Variants in MACROD2 observed in about 807,000 individuals in gnomAD.
MACROD2 encodes the protein mono-ADP ribosylhydrolase 2, also known as ADP-ribose glycohydrolase MACROD2.
A neutral mutation model predicts 70.4 loss-of-function variants in MACROD2; 36 were observed. The observed-to-expected ratio is 0.51, with a 90% CI of 0.39 to 0.68. MACROD2 has a LOEUF of 0.68. MACROD2 is among the 30% of genes least tolerant of loss of function. The probability of loss-of-function intolerance (pLI) is 0.00; values close to 1 mark genes in which losing one functional copy is unlikely to be tolerated. For synonymous variants in MACROD2, 172 were observed against 178.8 expected (o/e 0.96, Z 0.30); for missense variants, 496 against 538.4 (o/e 0.92, Z 0.78).
At chr20:14,145,515 G>A (rs1056437626) in intron 3 of MACROD2, among the ~76,000 whole-genome samples, 1 of 151,992 alleles carries the variant, frequency 6.6e-6, no homozygotes, top group Non-Finnish European at 1.5e-5. Flanking sequence ...AAATCACTAG[G>A]TAGAAGATAT....
At chr20:14,051,885 T>C (rs1477712680) in intron 2 of MACROD2, 1 of 516,004 alleles carries the variant, frequency 1.9e-6, no homozygotes, top group South Asian at 1.4e-5. Flanking sequence ...ATATGCCACA[T>C]CTACTATAAA....
At chr20:15,264,646 C>T (rs899294049) in intron 6 of MACROD2, among the ~76,000 whole-genome samples, 3 of 152,138 alleles carry the variant, frequency 2.0e-5, no homozygotes, top group Non-Finnish European at 1.5e-5. Flanking sequence ...GATAGTCTCG[C>T]AGGTTGCAGC....
chr20:15,256,324 A>G (rs952861859), intron 6 of MACROD2, among the ~76,000 whole-genome samples: 10 of 152,228 alleles, frequency 6.6e-5, no homozygotes, highest in South Asian at 2.1e-4. Flanking sequence ...TGGGGATTCT[A>G]TTAACACTTT....
chr20:14,247,125 T>C (rs773532573), intron 3 of MACROD2, among the ~76,000 whole-genome samples: 1 of 152,184 alleles, frequency 6.6e-6, no homozygotes, highest in Non-Finnish European at 1.5e-5. Flanking sequence ...CCAGATTATT[T>C]TGATAGTTTT....
At chr20:15,044,613 A>G (rs2075379315) in intron 5 of MACROD2, among the ~76,000 whole-genome samples, 1 of 152,010 alleles carries the variant, frequency 6.6e-6, no homozygotes, top group South Asian at 2.1e-4. Flanking sequence ...CAGGCAGTCT[A>G]AGGTAAAGAG....
At chr20:15,308,005 G>A (rs1170164316) in intron 6 of MACROD2, among the ~76,000 whole-genome samples, 2 of 152,072 alleles carry the variant, frequency 1.3e-5, no homozygotes, top group Non-Finnish European at 1.5e-5. Flanking sequence ...GAATATCACA[G>A]AGCAATGTTG....
rs539127193 is a variant in MACROD2, at chr20:14,300,245, C to T, written c.272-193234C>T. Among the ~76,000 whole-genome samples the T allele has an allele frequency of 4.6e-5, 7 of 152,236 alleles. No individual in the cohort carries two copies. In the East Asian group the frequency reaches 1.3e-3, roughly 29 times the overall value. On this transcript the variant is annotated intron_variant, in intron 3 of 17. Transcript: ENST00000684519. ...CTACCTCAGAGATTTTATTATGTAT[C>T]ACACATTCTTTTATGTGCATACTTG... is the stretch of plus-strand genomic sequence containing the variant.
chr20:14,999,570 C>A (rs757570413), intron 5 of MACROD2, among the ~76,000 whole-genome samples: 1 of 152,100 alleles, frequency 6.6e-6, no homozygotes, highest in South Asian at 2.1e-4. Context: ...CGCTTGAGCC[C>A]AGGAAGTTGA....
At chr20:15,081,854 A>G (rs2075706116) in intron 5 of MACROD2, among the ~76,000 whole-genome samples, 1 of 152,212 alleles carries the variant, frequency 6.6e-6, no homozygotes, top group Non-Finnish European at 1.5e-5. Context: ...TTGGTACCTT[A>G]AACCATCTGT....
chr20:15,417,639 GA>G (rs1017579529), intron 6 of MACROD2, among the ~76,000 whole-genome samples: 17 of 121,792 alleles, frequency 1.4e-4, no homozygotes, highest in South Asian at 2.9e-4. Context: ...GAAAAGAAAA[GA>G]AAAAAAAAAG....
At chr20:15,581,567 C>T (rs141188056) in intron 8 of MACROD2, among the ~76,000 whole-genome samples, 45 of 152,170 alleles carry the variant, frequency 3.0e-4, no homozygotes, top group Non-Finnish European at 5.3e-4. Context: ...GTCTCTAAGG[C>T]GTTATGGAGG....
rs746001152 is a variant in MACROD2, at chr20:14,326,230, G to A, written c.272-167249G>A. On this transcript the variant is annotated intron_variant, in intron 3 of 17. Transcript: ENST00000684519. This position sits in a 1 kb window ranked among gnomAD's most constrained non-coding sequence, Gnocchi z 5.5. ...AGTCATAGGTAGAGCAAGTTTCCAAGAGATATGAATGGTATCAGAGGTGAC... is the reference window on the plus strand; with the variant it reads ...AGTCATAGGTAGAGCAAGTTTCCAAAAGATATGAATGGTATCAGAGGTGAC... The A allele has an allele frequency of 1.2e-6, 2 of 1,613,906 alleles. No individual in the cohort carries two copies. Among genetic ancestry groups the A allele is most frequent in the East Asian group, 2.2e-5 (1 of 44,872 alleles).
At chr20:14,047,598 A>G (rs539393690) in intron 2 of MACROD2, among the ~76,000 whole-genome samples, 5 of 152,316 alleles carry the variant, frequency 3.3e-5, no homozygotes, top group Non-Finnish European at 5.9e-5. Context: ...TATTTATTAA[A>G]TAATATCTTG....
At chr20:15,807,080 T>C (rs983539922) in intron 8 of MACROD2, among the ~76,000 whole-genome samples, 1 of 152,230 alleles carries the variant, frequency 6.6e-6, no homozygotes, top group African/African-American at 2.4e-5. Flanking sequence ...TACAAACCTA[T>C]GCATGTATTT....
intron 5 of MACROD2, among the ~76,000 whole-genome samples, chr20:14,714,764 G>C (rs2071378551): frequency 6.6e-6 from 1 of 152,086 alleles, no homozygotes; most frequent in Admixed American, 6.5e-5. Context: ...AGACCTCCTT[G>C]ACTAGGTCAG....
intron 5 of MACROD2, among the ~76,000 whole-genome samples, chr20:14,922,376 C>T (rs1413597441): frequency 6.6e-6 from 1 of 152,022 alleles, no homozygotes; most frequent in Non-Finnish European, 1.5e-5. Context: ...TCTTAACCAC[C>T]CCTAATTTAG....
intron 5 of MACROD2, among the ~76,000 whole-genome samples, chr20:14,938,940 A>G (rs77285959): frequency 1.2e-5 from 1 of 86,458 alleles, no homozygotes; most frequent in Non-Finnish European, 2.5e-5. Context: ...GTTAAATCAG[A>G]TTTTTTTTTT....
At chr20:14,901,321 T>A (rs1306661978) in intron 5 of MACROD2, among the ~76,000 whole-genome samples, 1 of 152,080 alleles carries the variant, frequency 6.6e-6, no homozygotes, top group Admixed American at 6.5e-5. Flanking sequence ...TCAAAACAGT[T>A]GTTTTCATTT....
chr20:15,020,698 T>C (rs531991904), intron 5 of MACROD2, among the ~76,000 whole-genome samples: 5 of 152,186 alleles, frequency 3.3e-5, no homozygotes, highest in Admixed American at 6.5e-5. Context: ...GGCTACAAAC[T>C]TGTACATGTT....
Sources: gnomAD v4.1 joint callset for allele counts (sites outside exome capture counted in the v4.1 genomes callset) on GRCh38, gnomAD v4.1.1 for gene constraint, Gnocchi (gnomAD v3.1) non-coding constraint, MANE v1.5 for transcripts, NCBI Gene and HGNC (gene_info 2026-07-23, HGNC 2026-07-21) for gene names.